ATRNL1: variants seen among roughly 807,000 people sequenced by gnomAD.
The protein encoded by ATRNL1 is attractin like 1.
In ATRNL1, 95 loss-of-function variants were observed where a neutral mutation model predicts 182.7. The ratio of observed to expected loss-of-function variants is 0.52; its 90% CI spans 0.44 to 0.62. The LOEUF is 0.62. Ranked by LOEUF, ATRNL1 falls within the 20% of genes least tolerant of loss-of-function variation. The pLI is 0.00. For missense variants in ATRNL1, 1,471 were observed against 1,679.5 expected (o/e 0.88, Z 2.17); for synonymous variants, 576 against 568.3 (o/e 1.01, Z -0.19).
At chr10:115,572,753 A>G (rs554057086) in intron 26 of ATRNL1, among the ~76,000 whole-genome samples, 10 of 152,312 alleles carry the variant, frequency 6.6e-5, no homozygotes, top group African/African-American at 2.4e-4. Context: ...TTTATATTCA[A>G]GATCCAAGTC....
intron 26 of ATRNL1, among the ~76,000 whole-genome samples, chr10:115,600,285 G>A (rs550414099): frequency 1.3e-5 from 2 of 151,956 alleles, no homozygotes; most frequent in Non-Finnish European, 2.9e-5. Context: ...ACAATTTCTG[G>A]ATTTTACTGT....
At chr10:115,610,483 C>T (rs1857098282) in intron 26 of ATRNL1, among the ~76,000 whole-genome samples, 1 of 152,068 alleles carries the variant, frequency 6.6e-6, no homozygotes, top group African/African-American at 2.4e-5. Flanking sequence ...TGCACACTCC[C>T]CAAAATGGTA....
At chr10:115,194,380 T>C (rs1427158437) in intron 8 of ATRNL1, among the ~76,000 whole-genome samples, 1 of 152,068 alleles carries the variant, frequency 6.6e-6, no homozygotes, top group Non-Finnish European at 1.5e-5. Flanking sequence ...GCTCCAGTGG[T>C]ACATATAGAT....
intron 20 of ATRNL1, among the ~76,000 whole-genome samples, chr10:115,424,167 A>G (rs1319051472): frequency 2.0e-5 from 3 of 152,208 alleles, no homozygotes; most frequent in African/African-American, 7.2e-5. Flanking sequence ...GCTCACTGAT[A>G]TAAGAAGAAG....
chr10:115,845,506 T>A (rs1950907111), intron 27 of ATRNL1, among the ~76,000 whole-genome samples: 1 of 152,056 alleles, frequency 6.6e-6, no homozygotes, highest in Non-Finnish European at 1.5e-5. Flanking sequence ...TCTCCGTTGA[T>A]GCTGTTGATG....
At chr10:115,293,672 A>AT (rs1853034931) in intron 15 of ATRNL1, among the ~76,000 whole-genome samples, 1 of 152,096 alleles carries the variant, frequency 6.6e-6, no homozygotes, top group Admixed American at 6.5e-5. Context: ...ATTTCATTAG[A>AT]TTTTGTCTGT....
At chr10:115,816,058 A>G (rs1202996899) in intron 27 of ATRNL1, among the ~76,000 whole-genome samples, 1 of 152,158 alleles carries the variant, frequency 6.6e-6, no homozygotes, top group Non-Finnish European at 1.5e-5. Context: ...GACAATTTTG[A>G]GCAAAAAGAA....
intron 27 of ATRNL1, among the ~76,000 whole-genome samples, chr10:115,745,347 C>T (rs1201472950): frequency 6.6e-6 from 1 of 152,070 alleles, no homozygotes; most frequent in Non-Finnish European, 1.5e-5. Context: ...ATTGTATATC[C>T]ACCACAGTTT....
chr10:115,716,368 A>G (rs1483769491), intron 26 of ATRNL1, among the ~76,000 whole-genome samples: 1 of 152,204 alleles, frequency 6.6e-6, no homozygotes. Flanking sequence ...GATTAAAAGG[A>G]AAATGCCAGT....
chr10:115,538,172 G>T (rs1420046781), intron 25 of ATRNL1, among the ~76,000 whole-genome samples: 1 of 152,152 alleles, frequency 6.6e-6, no homozygotes, highest in African/African-American at 2.4e-5. Flanking sequence ...ATACATACAA[G>T]TTTTACACAA....
rs1240826898 is a variant in ATRNL1 at position 115,281,450 on chromosome 10, G to T, written c.2196G>T (p.Gln732His). ...GCTGTTCACTAAACTTGAATTGCCA[G>T]TGGGATCAGAGACAGCAAGAATGCC... ...CKSCSLNLNC[Q>H]WDQRQQECQA... The change falls in exon 14 of 29, where the codon CAG becomes CAT. Residue 732 changes from glutamine to histidine, a missense_variant. Physicochemically the swap from Gln to His is conservative, Grantham distance 24. Coordinates refer to ENST00000355044, the MANE Select transcript of ATRNL1 (RefSeq NM_207303.4). 1 of 1,613,568 alleles carries T rather than the reference G, an allele frequency of 6.2e-7. No homozygotes were observed.
At chr10:115,309,871 G>A (rs1340644693) in intron 17 of ATRNL1, among the ~76,000 whole-genome samples, 3 of 151,998 alleles carry the variant, frequency 2.0e-5, no homozygotes, top group Non-Finnish European at 4.4e-5. Context: ...GATCTGGGTA[G>A]GATTTCCAGT....
At chr10:115,406,755 G>C (rs1212955642) in intron 20 of ATRNL1, among the ~76,000 whole-genome samples, 1 of 151,978 alleles carries the variant, frequency 6.6e-6, no homozygotes, top group African/African-American at 2.4e-5. Context: ...TTTTATACAT[G>C]CTATGTACAC....
chr10:115,093,925 C>T lies in ATRNL1; in HGVS notation c.175C>T (p.Gln59Ter), dbSNP rs1554862403. 3.1e-6 allele frequency: 5 copies of T among 1,596,252 alleles called. No individual in the cohort carries two copies. The highest frequency in any genetic ancestry group is 3.4e-6 in the Non-Finnish European group (4 of 1,172,936). Residue 59 changes from glutamine to a stop codon, truncating the protein, a stop_gained, in exon 1 of 29, where the codon CAG becomes TAG. Transcript: ENST00000355044. LOFTEE classifies it high-confidence loss of function. The surrounding 1 kb of genome is among the most constrained non-coding windows in gnomAD (Gnocchi z 6.1). ...LYLALYAQVS[Q>*]SKPCERTGSC... The stretch of plus-strand genomic sequence containing the variant: ...CCTGGCGCTCTACGCGCAGGTGTCC[C>T]AGTCCAAGCCGTGCGAGAGGACCGG...
intron 26 of ATRNL1, among the ~76,000 whole-genome samples, chr10:115,683,792 A>C (rs1946131392): frequency 6.6e-6 from 1 of 151,946 alleles, no homozygotes; most frequent in Admixed American, 6.6e-5. Flanking sequence ...TGAAATTTGT[A>C]TAAGCAAATT....
chr10:115,559,450 G>GCGCGCA (rs1554998460), intron 26 of ATRNL1, among the ~76,000 whole-genome samples: 1,849 of 128,614 alleles, frequency 0.014, 15 homozygotes, highest in Non-Finnish European at 0.02. Context: ...GTGTGCGCGC[G>GCGCGCA]CGCACGCACG....
chr10:115,812,040 T>C (rs1163242456), intron 27 of ATRNL1, among the ~76,000 whole-genome samples: 6 of 152,248 alleles, frequency 3.9e-5, no homozygotes, highest in Admixed American at 2.0e-4. Flanking sequence ...ATCTTCATTC[T>C]TTTTTAGTAT....
intron 3 of ATRNL1, 44 bp downstream of exon 3, chr10:115,121,856 A>C (rs1844752339): frequency 2.2e-6 from 2 of 921,976 alleles, no homozygotes; most frequent in Non-Finnish European, 3.3e-6. Flanking sequence ...TGACTGTGTA[A>C]TTGCTTCTTT....
chr10:115,802,887 A>G (rs1415824272), intron 27 of ATRNL1, among the ~76,000 whole-genome samples: 1 of 152,198 alleles, frequency 6.6e-6, no homozygotes, highest in Non-Finnish European at 1.5e-5. Flanking sequence ...TACCTGTTTT[A>G]CATGTCCTTT....
Sources: gnomAD v4.1 joint callset for allele counts (sites outside exome capture counted in the v4.1 genomes callset) on GRCh38, gnomAD v4.1.1 for gene constraint, Gnocchi (gnomAD v3.1) non-coding constraint, MANE v1.5 for transcripts, NCBI Gene and HGNC (gene_info 2026-07-23, HGNC 2026-07-21) for gene names.